The following DIS3L2 variants were observed in gnomAD, a reference collection of about 807,000 sequenced individuals.
DIS3L2 encodes the protein DIS3-like exonuclease 2.
A neutral mutation model predicts 97.5 loss-of-function variants in DIS3L2; 34 were observed. The ratio of observed to expected loss-of-function variants is 0.35; its 90% CI spans 0.27 to 0.46. DIS3L2 has a LOEUF of 0.46. Among genes scored for constraint, DIS3L2 ranks in the 20% least tolerant of loss-of-function variants. The probability of loss-of-function intolerance (pLI) is 1.00; values close to 1 mark genes in which losing one functional copy is unlikely to be tolerated. For synonymous variants in DIS3L2, 435 were observed against 445.2 expected, an observed-to-expected ratio of 0.98 and a Z score of 0.29; for missense variants, 1,038 against 1,146.0, an observed-to-expected ratio of 0.91 and a Z score of 1.36.
chr2:232,048,503 C>A (rs553884410), intron 5 of DIS3L2, among the ~76,000 whole-genome samples: 1 of 152,068 alleles, frequency 6.6e-6, no homozygotes, highest in Non-Finnish European at 1.5e-5. Context: ...GAGGCCGAGG[C>A]GGGTGGATCA....
intron 14 of DIS3L2, among the ~76,000 whole-genome samples, chr2:232,304,584 G>C (rs187104639): frequency 9.7e-4 from 148 of 152,306 alleles, no homozygotes; most frequent in African/African-American, 3.4e-3. Context: ...TTTGTCAGAA[G>C]GCTCCTTTCT....
At chr2:231,989,608 C>T (rs562648820) in intron 1 of DIS3L2, among the ~76,000 whole-genome samples, 25 of 152,070 alleles carry the variant, frequency 1.6e-4, no homozygotes, top group African/African-American at 5.5e-4. Context: ...AGGCTGAGGC[C>T]GGATCGCTTG....
chr2:232,301,262 C>T (rs1223031163), intron 14 of DIS3L2, among the ~76,000 whole-genome samples: 1 of 152,192 alleles, frequency 6.6e-6, no homozygotes. Flanking sequence ...ATCATGTTTA[C>T]TCTGGGGAGA....
chr2:231,972,201 AAAAT>A (rs542989991), intron 1 of DIS3L2, among the ~76,000 whole-genome samples: 179 of 152,210 alleles, frequency 1.2e-3, no homozygotes, highest in African/African-American at 3.9e-3. Flanking sequence ...AAAAAAATAA[AAAAT>A]AAATAAAAAT....
At chr2:231,975,828 A>G (rs1693072965) in intron 1 of DIS3L2, among the ~76,000 whole-genome samples, 1 of 151,884 alleles carries the variant, frequency 6.6e-6, no homozygotes, top group African/African-American at 2.4e-5. Flanking sequence ...AAGCTCCCTT[A>G]GAGGCCCTGG....
At chr2:232,054,872 T>C (rs1427714960) in intron 5 of DIS3L2, among the ~76,000 whole-genome samples, 1 of 152,058 alleles carries the variant, frequency 6.6e-6, no homozygotes, top group Non-Finnish European at 1.5e-5. Context: ...TAATAGAAAA[T>C]TGAATCCATA....
intron 13 of DIS3L2, among the ~76,000 whole-genome samples, chr2:232,263,757 T>A (rs1367119636): frequency 3.3e-5 from 5 of 152,174 alleles, no homozygotes; most frequent in Non-Finnish European, 2.9e-5. Flanking sequence ...TAAGGCTGTG[T>A]CCAGTCTGTG....
intron 1 of DIS3L2, among the ~76,000 whole-genome samples, chr2:231,982,422 A>G (rs1449140008): frequency 2.6e-5 from 4 of 152,182 alleles, no homozygotes; most frequent in Admixed American, 6.5e-5. Context: ...GATGTATTAT[A>G]TATTCAATAC....
intron 8 of DIS3L2, among the ~76,000 whole-genome samples, chr2:232,148,261 A>G (rs1395391631): frequency 6.6e-6 from 1 of 151,922 alleles, no homozygotes; most frequent in Admixed American, 6.6e-5. Context: ...GTTGGCCAGG[A>G]TAGTCTCGAT....
chr2:232,084,783 T>A (rs1696522588), intron 5 of DIS3L2, among the ~76,000 whole-genome samples: 1 of 131,510 alleles, frequency 7.6e-6, no homozygotes, highest in African/African-American at 3.0e-5. Context: ...TCAAAAGTTT[T>A]GAGCACAGTT....
At chr2:232,163,737 G>A in intron 9 of DIS3L2, 105 bp downstream of exon 9, 4 of 1,333,206 alleles carry the variant, frequency 3.0e-6, no homozygotes, top group South Asian at 1.6e-5. Context: ...TTCAAGTTCA[G>A]TTCAGTTGGG....
At chr2:232,046,440 T>C (rs1245161058) in intron 5 of DIS3L2, among the ~76,000 whole-genome samples, 1 of 152,222 alleles carries the variant, frequency 6.6e-6, no homozygotes, top group Non-Finnish European at 1.5e-5. Flanking sequence ...GAAGCATCGA[T>C]GTGGATGAGT....
intron 9 of DIS3L2, among the ~76,000 whole-genome samples, chr2:232,192,091 A>G (rs1210105790): frequency 2.0e-5 from 3 of 152,206 alleles, no homozygotes; most frequent in African/African-American, 7.2e-5. Context: ...GGCCAAAAAT[A>G]TCCAGCATAA....
intron 6 of DIS3L2, among the ~76,000 whole-genome samples, chr2:232,116,840 AAC>A (rs1697732025): frequency 6.6e-6 from 1 of 151,030 alleles, no homozygotes; most frequent in South Asian, 2.1e-4. Flanking sequence ...AAAGAACAAC[AAC>A]AACAACAACA....
chr2:232,253,211 G>A (rs975290946), intron 12 of DIS3L2, among the ~76,000 whole-genome samples: 3 of 152,152 alleles, frequency 2.0e-5, no homozygotes, highest in Non-Finnish European at 2.9e-5. Flanking sequence ...CAGAGCATTC[G>A]GTTGTTCGAT....
intron 5 of DIS3L2, among the ~76,000 whole-genome samples, chr2:232,058,268 G>A (rs545265482): frequency 6.6e-6 from 1 of 152,302 alleles, no homozygotes; most frequent in African/African-American, 2.4e-5. Context: ...AAACTGGAAT[G>A]TGCCTCAAGT....
At chr2:232,297,727 G>A (rs1694757561) in intron 13 of DIS3L2, among the ~76,000 whole-genome samples, 1 of 131,856 alleles carries the variant, frequency 7.6e-6, no homozygotes, top group African/African-American at 2.9e-5. Context: ...TTTTGAGACA[G>A]ACTCTCGCTA....
At chr2:232,089,218 T>G (rs1461079890) in intron 6 of DIS3L2, among the ~76,000 whole-genome samples, 3 of 152,220 alleles carry the variant, frequency 2.0e-5, no homozygotes, top group Non-Finnish European at 2.9e-5. Flanking sequence ...TCAGAATGAC[T>G]TTCCAACTTT....
chr2:232,318,011 C>G (rs1339015208), intron 14 of DIS3L2, among the ~76,000 whole-genome samples: 1 of 152,178 alleles, frequency 6.6e-6, no homozygotes. Flanking sequence ...CCTACCTTTC[C>G]CCCCTGACTT....
Sources: gnomAD v4.1 joint callset for allele counts (sites outside exome capture counted in the v4.1 genomes callset) on GRCh38, gnomAD v4.1.1 for gene constraint, MANE v1.5 for transcripts, NCBI Gene and HGNC (gene_info 2026-07-23, HGNC 2026-07-21) for gene names.